Variants in MANBA observed in about 807,000 individuals in gnomAD.
The protein encoded by MANBA is beta-mannosidase.
In MANBA, 83 loss-of-function variants were observed where a neutral mutation model predicts 111.1. That is an observed-to-expected ratio of 0.75 (90% CI 0.63 to 0.90). MANBA has a LOEUF of 0.90. MANBA is among the 40% of genes least tolerant of loss of function. MANBA has a pLI of 0.00. For synonymous variants in MANBA, 370 were observed against 378.7 expected (o/e 0.98, Z 0.27); for missense variants, 1,036 against 1,069.0 (o/e 0.97, Z 0.43).
At chr4:102,635,067 T>C (rs1294873881) in intron 15 of MANBA, 22 bp from the exon 16 acceptor site, 2 of 1,613,254 alleles carry the variant, frequency 1.2e-6, no homozygotes, top group East Asian at 4.5e-5. Flanking sequence ...TAAAACAGAA[T>C]AAAAACAGGC....
Position 102,760,824 on chromosome 4 carries a change from C to A in MANBA, c.71G>T (p.Ser24Ile). Residue 24 changes from serine to isoleucine, a missense_variant, in exon 1 of 17, where the codon AGC (serine) becomes ATC (isoleucine). Ser to Ile is a moderately radical substitution (Grantham distance 142). Transcript: ENST00000647097. ...AGTTAAELSY[S>I]LRGNWSICNG... Reference sequence around the variant, plus strand: ...GCAGATGCTCCAGTTGCCACGCAAGCTGTAACTGAGCTCCGCGGCGGTGGT... The same window carrying A: ...GCAGATGCTCCAGTTGCCACGCAAGATGTAACTGAGCTCCGCGGCGGTGGT... 1 of 1,567,660 alleles carries A rather than the reference C, an allele frequency of 6.4e-7. No homozygotes were observed. The highest frequency in any genetic ancestry group is 8.6e-7 in the Non-Finnish European group (1 of 1,156,422).
In MANBA at chr4:102,760,535, C is replaced by T. The variant is rs17033246; in HGVS notation, c.177+183G>A. 0.032 allele frequency among the ~76,000 whole-genome samples: 4,858 copies of T among 152,330 alleles called. 239 individuals carry two copies. The highest frequency in any genetic ancestry group is 0.11 in the African/African-American group (4,454 of 41,562). On this transcript the variant is annotated intron_variant, in intron 1 of 16. Coordinates refer to ENST00000647097, the MANE Select transcript of MANBA (RefSeq NM_005908.4). ...CCAACATGGGTCGGTCGCTCAGTCT[C>T]CGTCAAGCCCGTACCCCATAGCTTG...
chr4:102,727,477 A>G, intron 1 of MANBA: 1 of 1,517,944 alleles, frequency 6.6e-7, no homozygotes, highest in East Asian at 2.3e-5. Context: ...CAAGGTCCAG[A>G]TAACATGAGA....
rs77473834 is a variant in MANBA at position 102,750,553 on chromosome 4, C to T, written c.177+10165G>A. On this transcript the variant is annotated intron_variant, in intron 1 of 16. Coordinates refer to ENST00000647097, the MANE Select transcript of MANBA (RefSeq NM_005908.4). ...GTTATGTTGAAGAAAAAGGAACTCC[C>T]TATCTTTTAAAGACCCATACTGAAA... Among the ~76,000 whole-genome samples, 984 of 152,170 alleles carry T rather than the reference C, an allele frequency of 6.5e-3. 13 individuals are homozygous for T. Among genetic ancestry groups the T allele is most frequent in the African/African-American group, 0.022 (928 of 41,526 alleles).
At chr4:102,713,721 A>C (rs1013603086) in intron 5 of MANBA, among the ~76,000 whole-genome samples, 3 of 151,886 alleles carry the variant, frequency 2.0e-5, no homozygotes, top group Non-Finnish European at 4.4e-5. Flanking sequence ...ATATGGAGAA[A>C]CCCCATCTCT....
intron 5 of MANBA, among the ~76,000 whole-genome samples, chr4:102,712,820 C>T (rs1432035356): frequency 2.6e-5 from 4 of 152,136 alleles, no homozygotes; most frequent in African/African-American, 7.2e-5. Context: ...TGAGCCACTG[C>T]GCTCAGCTCA....
In MANBA at chr4:102,752,893, G is replaced by C. The variant is rs556706253; in HGVS notation, c.177+7825C>G. On this transcript the variant is annotated intron_variant, in intron 1 of 16. Transcript: ENST00000647097. ...ATAGCTACTATGATGTACTCTTACA[G>C]TTTATAGTTAATTAACTTACACATC... 1.2e-4 allele frequency among the ~76,000 whole-genome samples: 18 copies of C among 152,244 alleles called. No homozygotes were observed. The South Asian group carries it at 2.3e-3, about 19-fold the overall frequency.
rs1338464138 is a variant in MANBA, at chr4:102,634,774, T to A, written c.2415+14A>T. ...GGCCACAGTCCCCTGCCCTCCGCCA[T>A]GACCTGTGCTTACAGTGATCTGCGC... On this transcript the variant is annotated intron_variant, in intron 16 of 16. Coordinates refer to ENST00000647097, the MANE Select transcript of MANBA (RefSeq NM_005908.4). The A allele has an allele frequency of 1.2e-6, 2 of 1,612,770 alleles. No homozygotes were observed. The highest frequency in any genetic ancestry group is 2.2e-5 in the South Asian group (2 of 91,030).
intron 1 of MANBA, chr4:102,729,064 T>C: frequency 1.3e-6 from 1 of 795,194 alleles, no homozygotes; most frequent in South Asian, 1.3e-5. Flanking sequence ...ACTCAAGCAG[T>C]TGCCATGCCA....
At chr4:102,684,441 C>T (rs2110236946) in intron 7 of MANBA, among the ~76,000 whole-genome samples, 1 of 152,318 alleles carries the variant, frequency 6.6e-6, no homozygotes, top group South Asian at 2.1e-4. Context: ...CATAATCATG[C>T]CATTCCACTC....
intron 12 of MANBA, 113 bp downstream of exon 12, chr4:102,657,569 C>T: frequency 1.1e-6 from 1 of 894,432 alleles, no homozygotes; most frequent in Non-Finnish European, 1.8e-6. Context: ...TCTTCTCAAA[C>T]TTTCATTTAA....
chr4:102,681,582 C>T (rs553663368), intron 7 of MANBA: 3 of 152,290 alleles, frequency 2.0e-5, no homozygotes, highest in Non-Finnish European at 4.4e-5. Context: ...ATAGCTTTCT[C>T]AACTGTAAAT....
chr4:102,691,500 CTCTTT>C (rs1003313993), intron 5 of MANBA, among the ~76,000 whole-genome samples: 40 of 150,766 alleles, frequency 2.7e-4, no homozygotes, highest in African/African-American at 9.2e-4. Context: ...AAGGCTTTCT[CTCTTT>C]TCTTTTTCCT....
intron 4 of MANBA, among the ~76,000 whole-genome samples, chr4:102,720,645 C>T (rs1722528707): frequency 6.6e-6 from 1 of 151,838 alleles, no homozygotes; most frequent in Non-Finnish European, 1.5e-5. Flanking sequence ...AGTACAACCT[C>T]TAGCATTTAA....
rs540893531 is a variant in MANBA, at chr4:102,655,568, T to A, written c.1704+2114A>T. Among the ~76,000 whole-genome samples the A allele has an allele frequency of 4.6e-5, 7 of 152,334 alleles. No homozygotes were observed. In the South Asian group the frequency reaches 1.4e-3, roughly 32 times the overall value. On this transcript the variant is annotated intron_variant, in intron 12 of 16. Coordinates refer to ENST00000647097, the MANE Select transcript of MANBA (RefSeq NM_005908.4). Reference sequence around the variant, plus strand: ...ATGGGGGAAAGAATAGTGTTTTTAATACATGCTATTGGAACAACTGGCTAT... The same window carrying A: ...ATGGGGGAAAGAATAGTGTTTTTAAAACATGCTATTGGAACAACTGGCTAT...
At chr4:102,751,025 G>A (rs1234852676) in intron 1 of MANBA, among the ~76,000 whole-genome samples, 1 of 152,174 alleles carries the variant, frequency 6.6e-6, no homozygotes, top group Non-Finnish European at 1.5e-5. Context: ...ATGGATACAT[G>A]AAATTTCATT....
chr4:102,672,604 G>A (rs1198242990), intron 8 of MANBA, among the ~76,000 whole-genome samples: 1 of 152,102 alleles, frequency 6.6e-6, no homozygotes, highest in Admixed American at 6.6e-5. Flanking sequence ...TCCTACAACA[G>A]GGGTCCCAAC....
rs1404016429 is a variant in MANBA at position 102,636,022 on chromosome 4, G to A, written c.2015-15C>T. 1 of 1,612,422 alleles carries A rather than the reference G, an allele frequency of 6.2e-7. No homozygotes were observed. Among genetic ancestry groups the A allele is most frequent in the East Asian group, 2.2e-5 (1 of 44,872 alleles). On this transcript the variant is annotated splice_polypyrimidine_tract_variant and intron_variant, in intron 14 of 16. Coordinates refer to ENST00000647097, the MANE Select transcript of MANBA (RefSeq NM_005908.4). Reference sequence around the variant, plus strand: ...TCCTCCGTACTCTGAAAATAATCAAGAGTGTCAGGAGACGGCAAGGTCAAG... The same window carrying A: ...TCCTCCGTACTCTGAAAATAATCAAAAGTGTCAGGAGACGGCAAGGTCAAG...
At chr4:102,658,548 T>C (rs1730686051) in intron 11 of MANBA, among the ~76,000 whole-genome samples, 1 of 152,208 alleles carries the variant, frequency 6.6e-6, no homozygotes, top group African/African-American at 2.4e-5. Flanking sequence ...AGGATAATAA[T>C]AGTACCTCCT....
Sources: gnomAD v4.1 joint callset for allele counts (sites outside exome capture counted in the v4.1 genomes callset) on GRCh38, gnomAD v4.1.1 for gene constraint, MANE v1.5 for transcripts, NCBI Gene and HGNC (gene_info 2026-07-23, HGNC 2026-07-21) for gene names.